Variants in RPS6KA2 observed in about 807,000 individuals in gnomAD.
RPS6KA2 encodes ribosomal protein S6 kinase A2.
Under a neutral mutation model 91.8 loss-of-function variants are expected in RPS6KA2, and 42 were observed. That is an observed-to-expected ratio of 0.46 (90% CI 0.36 to 0.59). The LOEUF is 0.59. Among genes scored for constraint, RPS6KA2 ranks in the 20% least tolerant of loss-of-function variants. RPS6KA2 has a pLI of 0.00. For synonymous variants in RPS6KA2, 414 were observed against 393.6 expected, an observed-to-expected ratio of 1.05 and a Z score of -0.61; for missense variants, 798 against 978.5, an observed-to-expected ratio of 0.82 and a Z score of 2.46.
chr6:166,464,987 T>TA (rs1182691875), intron 11 of RPS6KA2, among the ~76,000 whole-genome samples: 1 of 122,036 alleles, frequency 8.2e-6, no homozygotes, highest in Admixed American at 8.8e-5. Flanking sequence ...GGTGTTTACT[T>TA]AAAAAAATAA....
In RPS6KA2 at chr6:166,500,331, T is replaced by C. The variant is rs975593235; in HGVS notation, c.604+556A>G. ...TAATACAAATGGGGTGTCCTGAGAC[T>C]AGAGGAGCTGTTGCCAGTTTGACTG... On this transcript the variant is annotated intron_variant, in intron 7 of 20. Coordinates refer to ENST00000265678, the MANE Select transcript of RPS6KA2 (RefSeq NM_021135.6). The surrounding 1 kb of genome is among the most constrained non-coding windows in gnomAD (Gnocchi z 4.3). Among the ~76,000 whole-genome samples, 3 of 152,198 alleles carry C rather than the reference T, an allele frequency of 2.0e-5. No homozygotes were observed. Among genetic ancestry groups the C allele is most frequent in the Non-Finnish European group, 4.4e-5 (3 of 68,022 alleles).
intron 2 of RPS6KA2, among the ~76,000 whole-genome samples, chr6:166,832,310 G>C (rs137918566): frequency 7.9e-5 from 12 of 152,126 alleles, no homozygotes; most frequent in South Asian, 4.2e-4. Context: ...GAGGAAGTTG[G>C]GGGGGAAGCT....
chr6:166,761,105 C>A (rs776187027), intron 2 of RPS6KA2, among the ~76,000 whole-genome samples: 1 of 152,156 alleles, frequency 6.6e-6, no homozygotes, highest in Non-Finnish European at 1.5e-5. Flanking sequence ...GCTCTGTTGC[C>A]CAGGCTGGAG....
intron 2 of RPS6KA2, among the ~76,000 whole-genome samples, chr6:166,752,810 T>C (rs1777887938): frequency 2.0e-5 from 3 of 152,186 alleles, no homozygotes; most frequent in Admixed American, 2.0e-4. Context: ...TTGTTGCTGG[T>C]TTCTTGGTAA....
At chr6:166,464,978 G>A (rs1241371864) in intron 11 of RPS6KA2, among the ~76,000 whole-genome samples, 3 of 145,784 alleles carry the variant, frequency 2.1e-5, no homozygotes, top group Non-Finnish European at 3.0e-5. Context: ...GGGATGACAG[G>A]TGTTTACTTA....
At chr6:166,515,509 T>C (rs948674570) in intron 3 of RPS6KA2, among the ~76,000 whole-genome samples, 3 of 152,326 alleles carry the variant, frequency 2.0e-5, no homozygotes, top group South Asian at 2.1e-4. Context: ...TTATTAACCA[T>C]GACTGCAGTT....
chr6:166,795,808 G>A (rs1202839302), intron 2 of RPS6KA2, among the ~76,000 whole-genome samples: 4 of 152,204 alleles, frequency 2.6e-5, no homozygotes, highest in East Asian at 3.9e-4. Flanking sequence ...TCCATAAAAG[G>A]TGGGACTTGA....
chr6:166,532,824 TGTGA>T (rs888731976), intron 2 of RPS6KA2, among the ~76,000 whole-genome samples: 2 of 145,124 alleles, frequency 1.4e-5, no homozygotes, highest in African/African-American at 5.6e-5. Context: ...ATGTGTGGAG[TGTGA>T]GAGAGAGAGA....
Position 166,492,834 on chromosome 6 carries a change from A to G in RPS6KA2, c.748-2093T>C, listed in dbSNP as rs1322941942. 2.2e-5 allele frequency among the ~76,000 whole-genome samples: 3 copies of G among 138,952 alleles called. No homozygotes were observed. In the Admixed American group the frequency reaches 2.2e-4, roughly 10 times the overall value. 91.2% of individuals were successfully genotyped at this position (138,952 alleles called of 152,430 possible). A position where few individuals can be genotyped will look rare whatever the true frequency, so the allele number is the denominator to read the frequency against. ...GGGTTCAAGCGATTCTCCTGTCTCC[A>G]CCTCCCGAGTAGCTGGGACTACAGG... On this transcript the variant is annotated intron_variant, in intron 8 of 20. Transcript: ENST00000265678.
chr6:166,600,125 A>G (rs1415262248), intron 1 of RPS6KA2, among the ~76,000 whole-genome samples: 1 of 152,120 alleles, frequency 6.6e-6, no homozygotes, highest in Non-Finnish European at 1.5e-5. Flanking sequence ...CTCCTGCCTC[A>G]GCTTCCCAAA....
chr6:166,689,742 C>A (rs1043619110), intron 2 of RPS6KA2, among the ~76,000 whole-genome samples: 2 of 152,190 alleles, frequency 1.3e-5, no homozygotes, highest in African/African-American at 4.8e-5. Flanking sequence ...AGTTTGGTGT[C>A]CCTGAACAAA....
chr6:166,420,510 T>A (rs1193011194), intron 17 of RPS6KA2, among the ~76,000 whole-genome samples: 2 of 152,232 alleles, frequency 1.3e-5, no homozygotes, highest in Non-Finnish European at 2.9e-5. Flanking sequence ...TTTGTCTTTC[T>A]GTGACTGGCC....
At chr6:166,544,374 G>C (rs895112415) in intron 1 of RPS6KA2, among the ~76,000 whole-genome samples, 5 of 152,170 alleles carry the variant, frequency 3.3e-5, no homozygotes, top group African/African-American at 1.2e-4. Flanking sequence ...AACAGCCCCC[G>C]GAGAGCGAGC....
At chr6:166,771,667 T>C (rs1039335319) in intron 2 of RPS6KA2, among the ~76,000 whole-genome samples, 2 of 152,200 alleles carry the variant, frequency 1.3e-5, no homozygotes, top group Non-Finnish European at 2.9e-5. Context: ...CACTGAAATA[T>C]AAGAGATGAA....
rs1200153924 is a variant in RPS6KA2 at position 166,437,568 on chromosome 6, C to T, written c.1333-5078G>A. Among the ~76,000 whole-genome samples, 1 of 152,194 alleles carries T rather than the reference C, an allele frequency of 6.6e-6. No individual in the cohort carries two copies. Among genetic ancestry groups the T allele is most frequent in the African/African-American group, 2.4e-5 (1 of 41,450 alleles). Reference sequence around the variant, plus strand: ...GAGAAGGGCATTCTCCAGGGGTTGGCCACCCACCACAGCCGGTAAATAAAC... The same window carrying T: ...GAGAAGGGCATTCTCCAGGGGTTGGTCACCCACCACAGCCGGTAAATAAAC... On this transcript the variant is annotated intron_variant, in intron 14 of 20. Coordinates refer to ENST00000265678, the MANE Select transcript of RPS6KA2 (RefSeq NM_021135.6). This position sits in a 1 kb window ranked among gnomAD's most constrained non-coding sequence, Gnocchi z 4.3.
chr6:166,712,828 G>A (rs916994438), intron 2 of RPS6KA2, among the ~76,000 whole-genome samples: 1 of 152,194 alleles, frequency 6.6e-6, no homozygotes, highest in African/African-American at 2.4e-5. Flanking sequence ...AGCACCCGAG[G>A]AGCTGCTGAA....
chr6:166,853,507 G>A (rs1780801350), intron 2 of RPS6KA2, among the ~76,000 whole-genome samples: 3 of 152,204 alleles, frequency 2.0e-5, no homozygotes, highest in Admixed American at 1.3e-4. Context: ...AGCCATTGAA[G>A]CTGGCTCTCC....
chr6:166,817,350 A>G (rs576941947), intron 2 of RPS6KA2, among the ~76,000 whole-genome samples: 1 of 152,210 alleles, frequency 6.6e-6, no homozygotes, highest in Non-Finnish European at 1.5e-5. Flanking sequence ...GTAAGGTTAG[A>G]TGGGGAACAC....
intron 2 of RPS6KA2, among the ~76,000 whole-genome samples, chr6:166,845,180 T>C (rs1271621804): frequency 1.3e-5 from 2 of 152,130 alleles, no homozygotes; most frequent in Non-Finnish European, 2.9e-5. Flanking sequence ...TAAATATATA[T>C]GCACCTAACA....
Sources: allele counts gnomAD v4.1 joint callset (sites outside exome capture counted in the v4.1 genomes callset), GRCh38; gene constraint gnomAD v4.1.1; non-coding constraint Gnocchi (gnomAD v3.1); transcripts MANE v1.5; gene names NCBI Gene and HGNC (gene_info 2026-07-23, HGNC 2026-07-21).